UBE2W: variants seen among roughly 807,000 people sequenced by gnomAD.
UBE2W encodes ubiquitin-conjugating enzyme E2 W.
Under a neutral mutation model 27.2 loss-of-function variants are expected in UBE2W, and 18 were observed. The observed-to-expected ratio is 0.66, with a 90% CI of 0.46 to 0.98. The LOEUF (loss-of-function observed/expected upper bound fraction) is 0.98. Ranked by LOEUF, UBE2W falls within the 50% of genes least tolerant of loss-of-function variation. UBE2W has a pLI of 0.00. For missense variants in UBE2W, 90 were observed against 180.2 expected (o/e 0.50, Z 2.87); for synonymous variants, 53 against 57.2 (o/e 0.93, Z 0.33).
intron 1 of UBE2W, among the ~76,000 whole-genome samples, chr8:73,859,438 G>A (rs1178431892): frequency 1.3e-5 from 2 of 152,202 alleles, no homozygotes; most frequent in Admixed American, 6.5e-5. Context: ...CCCAGGAGGT[G>A]GAGGCTGCAG....
rs939303032 is a variant in UBE2W at position 73,824,861 on chromosome 8, G to C, written c.210+286C>G. On this transcript the variant is annotated intron_variant, in intron 3 of 5. Transcript: ENST00000602593. ...TGGACCAGTACTAGTCCACAGCATG[G>C]GGGTTGGGGACCCCTGGCCTAGAGG... Among the ~76,000 whole-genome samples the C allele has an allele frequency of 2.6e-5, 4 of 152,196 alleles. No individual in the cohort carries two copies. The South Asian group carries it at 8.3e-4, about 31-fold the overall frequency.
chr8:73,809,894 A>G (rs1809078397), intron 4 of UBE2W, among the ~76,000 whole-genome samples: 1 of 151,528 alleles, frequency 6.6e-6, no homozygotes, highest in Non-Finnish European at 1.5e-5. Flanking sequence ...TTTAAGTTTA[A>G]TTAAGTGATT....
At chr8:73,852,231 T>G (rs887658358) in intron 1 of UBE2W, among the ~76,000 whole-genome samples, 9 of 152,240 alleles carry the variant, frequency 5.9e-5, no homozygotes, top group Admixed American at 4.6e-4. Flanking sequence ...ACTATTCCCT[T>G]TAAATAGAGC....
chr8:73,808,460 T>TG (rs1199781050), intron 4 of UBE2W, among the ~76,000 whole-genome samples: 27 of 152,370 alleles, frequency 1.8e-4, no homozygotes, highest in African/African-American at 6.3e-4. Context: ...CTTGAACTCC[T>TG]GGCCTCAAGT....
intron 1 of UBE2W, among the ~76,000 whole-genome samples, chr8:73,853,694 CAAT>C (rs1325019628): frequency 1.3e-5 from 2 of 151,986 alleles, no homozygotes; most frequent in African/African-American, 4.8e-5. Context: ...TGAAAGAACA[CAAT>C]GAGATGGGCT....
intron 1 of UBE2W, among the ~76,000 whole-genome samples, chr8:73,863,829 T>A (rs1334421108): frequency 3.3e-5 from 5 of 151,128 alleles, no homozygotes; most frequent in African/African-American, 1.2e-4. Flanking sequence ...AATCATAACG[T>A]GGGGATGGTA....
downstream of UBE2W, among the ~76,000 whole-genome samples, chr8:73,785,997 T>C (rs933631699): frequency 6.6e-6 from 1 of 152,230 alleles, no homozygotes; most frequent in Non-Finnish European, 1.5e-5. Flanking sequence ...CCTTATTACA[T>C]ATGCCCTTTG....
intron 1 of UBE2W, among the ~76,000 whole-genome samples, chr8:73,839,794 G>T (rs73338486): frequency 7.0e-6 from 1 of 143,016 alleles, no homozygotes; most frequent in South Asian, 2.3e-4. Flanking sequence ...GTACAGTGGT[G>T]CAATCTCTGC....
At chr8:73,822,059 T>G (rs1809635097) in intron 3 of UBE2W, among the ~76,000 whole-genome samples, 1 of 152,250 alleles carries the variant, frequency 6.6e-6, no homozygotes, top group African/African-American at 2.4e-5. Flanking sequence ...AAATCGTTCT[T>G]CAAATGGAGC....
rs1348265979 is a variant in UBE2W, at chr8:73,788,208, A to C, written c.*5894T>G. The C allele has an allele frequency of 3.2e-6, 3 of 940,522 alleles. No homozygotes were observed. Among genetic ancestry groups the C allele is most frequent in the East Asian group, 2.3e-4 (2 of 8,574 alleles). 58.3% of individuals were successfully genotyped at this position (940,522 alleles called of 1,614,324 possible). ...TCTGCATTCAACTAACAAGTCTGAT[A>C]CATGTATTAAAAAATATATAACATA... On this transcript the variant is annotated 3_prime_UTR_variant, in exon 6 of 6. Transcript: ENST00000602593.
downstream of UBE2W, among the ~76,000 whole-genome samples, chr8:73,784,231 A>T (rs1305711530): frequency 6.6e-6 from 1 of 151,884 alleles, no homozygotes; most frequent in South Asian, 2.1e-4. Flanking sequence ...CCATGTGTTG[A>T]TTTTTCCTGC....
chr8:73,878,589 G>T (rs997205908), intron 1 of UBE2W, among the ~76,000 whole-genome samples: 1 of 152,140 alleles, frequency 6.6e-6, no homozygotes, highest in Non-Finnish European at 1.5e-5. Context: ...CTTCCCGGCC[G>T]GCTGGTGTCC....
At chr8:73,803,584 G>A (rs541710981) in intron 5 of UBE2W, among the ~76,000 whole-genome samples, 1 of 151,940 alleles carries the variant, frequency 6.6e-6, no homozygotes, top group South Asian at 2.1e-4. Flanking sequence ...ATCATTCACT[G>A]GATTTGTAAT....
At chr8:73,837,490 G>A (rs944800676) in intron 1 of UBE2W, among the ~76,000 whole-genome samples, 2 of 152,044 alleles carry the variant, frequency 1.3e-5, no homozygotes, top group Non-Finnish European at 2.9e-5. Flanking sequence ...TCAAGCTTGG[G>A]CAACAGAGTG....
In UBE2W at chr8:73,788,813, T is replaced by G; in HGVS notation, c.*5289A>C. 1.0e-6 allele frequency: 1 copy of G among 985,378 alleles called. No individual in the cohort carries two copies. Among genetic ancestry groups the G allele is most frequent in the Non-Finnish European group, 1.2e-6 (1 of 829,926 alleles). The allele number at this position is 985,378 out of a possible 1,614,324, so 61.0% of individuals were successfully genotyped here. ...CCCAGAGAGTGTATGTGCCAAGGAC[T>G]AGAACAAGAATTGGATCTCTCCTTT... On this transcript the variant is annotated 3_prime_UTR_variant, in exon 6 of 6. Transcript: ENST00000602593.
downstream of UBE2W, among the ~76,000 whole-genome samples, chr8:73,781,929 CTTTTTTTTTTTTTTTTTT>C (rs71269945): frequency 2.9e-4 from 28 of 96,020 alleles, no homozygotes; most frequent in Non-Finnish European, 4.2e-4. Flanking sequence ...TAAAAGCCTC[CTTTTTTTTTTTTTTTTTT>C]TTTTTTTTTT....
intron 1 of UBE2W, among the ~76,000 whole-genome samples, chr8:73,833,029 A>T (rs1315439385): frequency 6.6e-6 from 1 of 151,846 alleles, no homozygotes; most frequent in Non-Finnish European, 1.5e-5. Flanking sequence ...TAAAAATACT[A>T]AAAAAATTAG....
intron 5 of UBE2W, among the ~76,000 whole-genome samples, chr8:73,800,353 C>G (rs745495844): frequency 3.9e-5 from 6 of 151,904 alleles, no homozygotes; most frequent in Admixed American, 2.6e-4. Flanking sequence ...TTCAAACATT[C>G]AGCATTCAAG....
chr8:73,871,444 T>C (rs555595248), intron 1 of UBE2W, among the ~76,000 whole-genome samples: 1 of 152,364 alleles, frequency 6.6e-6, no homozygotes, highest in East Asian at 1.9e-4. Flanking sequence ...TTCTGTGCAA[T>C]ATAGCTTTTT....
Sources: allele counts gnomAD v4.1 joint callset (sites outside exome capture counted in the v4.1 genomes callset), GRCh38; gene constraint gnomAD v4.1.1; transcripts MANE v1.5; gene names NCBI Gene and HGNC (gene_info 2026-07-23, HGNC 2026-07-21).